Variants in TCF12 observed in about 807,000 individuals in gnomAD.
TCF12 encodes the protein DNA-binding protein HTF4.
Under a neutral mutation model 86.0 loss-of-function variants are expected in TCF12, and 45 were observed. The observed-to-expected ratio is 0.52, with a 90% confidence interval of 0.41 to 0.67. The LOEUF is 0.67. Among genes scored for constraint, TCF12 ranks in the 30% least tolerant of loss-of-function variants. The pLI is 0.00. For synonymous variants in TCF12, 330 were observed against 299.6 expected, an observed-to-expected ratio of 1.10 and a Z score of -1.05; for missense variants, 881 against 859.9, an observed-to-expected ratio of 1.02 and a Z score of -0.31.
At chr15:57,068,316 A>T (rs980657147) in intron 4 of TCF12, among the ~76,000 whole-genome samples, 1 of 152,224 alleles carries the variant, frequency 6.6e-6, no homozygotes, top group South Asian at 2.1e-4. Flanking sequence ...AAACCTGTGT[A>T]TCTCAAAATT....
Position 57,039,898 on chromosome 15 carries a change from G to C in TCF12, c.149-23852G>C, listed in dbSNP as rs973062540. ...AGATTGTCAGAAGTCATGATTGCCT[G>C]TCATCCAGACCTAGTAATTTCTTTA... On this transcript the variant is annotated intron_variant, in intron 3 of 20. Coordinates refer to ENST00000333725, the MANE Select transcript of TCF12 (RefSeq NM_207037.2). 7.9e-5 allele frequency among the ~76,000 whole-genome samples: 12 copies of C among 152,092 alleles called. 1 individual carries two copies.
At chr15:57,119,191 C>A (rs1237912225) in intron 5 of TCF12, among the ~76,000 whole-genome samples, 2 of 152,136 alleles carry the variant, frequency 1.3e-5, no homozygotes, top group South Asian at 2.1e-4. Context: ...CTCCCCAGTT[C>A]AAGTGATTCT....
At position 57,075,804 on chromosome 15, in the gene TCF12, T is replaced by TTCTCTCTCTCTCTCTCTCTC. The variant is rs1244304206; in HGVS notation, c.222+11993_222+12012dup. 3.0e-3 allele frequency among the ~76,000 whole-genome samples: 87 copies of TTCTCTCTCTCTCTCTCTCTC among 28,584 alleles called. 3 individuals are homozygous for TTCTCTCTCTCTCTCTCTCTC. The highest frequency in any genetic ancestry group is 6.3e-3 in the South Asian group (3 of 480). The allele number at this position is 28,584 out of a possible 152,430, so 18.8% of individuals were successfully genotyped here. ...TTTCTTTCTTTCTTTCTTTCTTTCTTTCTCTCTCTCTCTCTCTCTCTCTCT... is the reference window on the plus strand; with the variant it reads ...TTTCTTTCTTTCTTTCTTTCTTTCTTTCTCTCTCTCTCTCTCTCTCTCTCTCTCTCTCTCTCTCTCTCTCT... On this transcript the variant is annotated intron_variant, in intron 4 of 20. Coordinates refer to ENST00000333725, the MANE Select transcript of TCF12 (RefSeq NM_207037.2).
intron 5 of TCF12, among the ~76,000 whole-genome samples, chr15:57,120,880 CT>C (rs1355553132): frequency 6.6e-6 from 1 of 152,088 alleles, no homozygotes; most frequent in Non-Finnish European, 1.5e-5. Flanking sequence ...ACTCAGGATA[CT>C]GAGGTTGGAG....
At chr15:57,159,295 C>T (rs1022864864) in intron 5 of TCF12, among the ~76,000 whole-genome samples, 3 of 152,194 alleles carry the variant, frequency 2.0e-5, no homozygotes, top group Non-Finnish European at 4.4e-5. Flanking sequence ...GGTCTTTGCT[C>T]TCATACTCTA....
chr15:57,155,980 A>C (rs537828202), intron 5 of TCF12, among the ~76,000 whole-genome samples: 2 of 152,344 alleles, frequency 1.3e-5, no homozygotes, highest in East Asian at 3.9e-4. Context: ...GAGGCTGTTG[A>C]GTCTCAGTAA....
rs148131994 is a variant in TCF12 at position 56,969,398 on chromosome 15, G to A, written c.148+48300G>A. Among the ~76,000 whole-genome samples, 44 of 152,234 alleles carry A rather than the reference G, an allele frequency of 2.9e-4. 1 individual carries two copies. In the East Asian group the frequency reaches 8.3e-3, roughly 29 times the overall value. On this transcript the variant is annotated intron_variant, in intron 3 of 20. Transcript: ENST00000333725. ...AGGTAGAACTGAGGATCTTGGGCCC[G>A]TGCTACAGAAAGAGAATAGAGCTGT...
At chr15:56,918,117 G>A (rs908169386), upstream of TCF12, 4 of 440,452 alleles carry the variant, frequency 9.1e-6, no homozygotes, top group Non-Finnish European at 1.8e-5. Context: ...TGGGTCTCCC[G>A]TCTCCACACG....
At chr15:57,045,179 C>T (rs1243624410) in intron 3 of TCF12, among the ~76,000 whole-genome samples, 1 of 152,182 alleles carries the variant, frequency 6.6e-6, no homozygotes, top group Non-Finnish European at 1.5e-5. Flanking sequence ...GTTCCAGACA[C>T]ATTACATGCT....
At chr15:57,050,161 CTG>C (rs2067514582) in intron 3 of TCF12, among the ~76,000 whole-genome samples, 2 of 152,242 alleles carry the variant, frequency 1.3e-5, no homozygotes, top group South Asian at 4.1e-4. Flanking sequence ...TTCAAAACAA[CTG>C]TAGTTTCTGC....
chr15:57,063,346 C>G (rs1326541499), intron 3 of TCF12, among the ~76,000 whole-genome samples: 1 of 152,132 alleles, frequency 6.6e-6, no homozygotes, highest in Non-Finnish European at 1.5e-5. Flanking sequence ...GATTGTTTGT[C>G]TTGCTTCATT....
intron 5 of TCF12, among the ~76,000 whole-genome samples, chr15:57,094,598 A>G (rs1462942961): frequency 2.0e-5 from 3 of 152,222 alleles, no homozygotes; most frequent in Non-Finnish European, 4.4e-5. Context: ...TGAAAAACCT[A>G]AATTATTAAA....
chr15:56,997,299 A>G (rs2063768722), intron 3 of TCF12, among the ~76,000 whole-genome samples: 1 of 152,256 alleles, frequency 6.6e-6, no homozygotes, highest in East Asian at 1.9e-4. Context: ...AGCCATAAAA[A>G]GAACAAAATC....
At chr15:57,226,144 G>GT (rs2058865347) in intron 8 of TCF12, among the ~76,000 whole-genome samples, 1 of 148,598 alleles carries the variant, frequency 6.7e-6, no homozygotes, top group Non-Finnish European at 1.5e-5. Context: ...CTTAATTACA[G>GT]TTTTTTAATA....
intron 19 of TCF12, among the ~76,000 whole-genome samples, chr15:57,275,327 G>GGTGTGTGTGTGTGTGTGTGTGTGTGT (rs1171707504): frequency 0.042 from 2,700 of 63,980 alleles, 262 homozygotes; most frequent in South Asian, 0.056. Flanking sequence ...GTAAGGTAGG[G>GGTGTGTGTGTGTGTGTGTGTGTGTGT]GTGTGTGTGT....
chr15:56,937,811 A>G (rs1460142835), intron 3 of TCF12, among the ~76,000 whole-genome samples: 3 of 152,152 alleles, frequency 2.0e-5, no homozygotes, highest in Non-Finnish European at 2.9e-5. Context: ...TCAAGATGAT[A>G]GATGACTTTT....
intron 5 of TCF12, among the ~76,000 whole-genome samples, chr15:57,100,755 G>A (rs549954299): frequency 2.6e-5 from 4 of 152,214 alleles, no homozygotes; most frequent in African/African-American, 9.6e-5. Context: ...AAACTCTAGG[G>A]CCTCTTTCAA....
intron 8 of TCF12, among the ~76,000 whole-genome samples, chr15:57,200,122 T>A (rs2057466749): frequency 6.6e-6 from 1 of 150,770 alleles, no homozygotes; most frequent in Non-Finnish European, 1.5e-5. Context: ...GCTCTGTGCT[T>A]CTCCTGCCAC....
chr15:57,086,702 CT>C (rs1190297066), intron 4 of TCF12, among the ~76,000 whole-genome samples: 44 of 41,570 alleles, frequency 1.1e-3, no homozygotes, highest in African/African-American at 2.3e-3. Context: ...CTTTCCCTCC[CT>C]TTAAAAAAAA....
Sources: allele counts gnomAD v4.1 joint callset (sites outside exome capture counted in the v4.1 genomes callset), GRCh38; gene constraint gnomAD v4.1.1; transcripts MANE v1.5; gene names NCBI Gene and HGNC (gene_info 2026-07-23, HGNC 2026-07-21).